CD79B: variants seen among roughly 807,000 people sequenced by gnomAD.
The protein encoded by CD79B is CD79b molecule, also known as B-cell antigen receptor complex-associated protein beta chain.
Under a neutral mutation model 30.0 loss-of-function variants are expected in CD79B, and 7 were observed. The ratio of observed to expected loss-of-function variants is 0.23; its 90% CI spans 0.13 to 0.44. The LOEUF is 0.44. CD79B is among the 20% of genes least tolerant of loss of function. The pLI, the probability that CD79B is intolerant of heterozygous loss-of-function variation, is 1.00. For missense variants in CD79B, 218 were observed against 299.1 expected, an observed-to-expected ratio of 0.73 and a Z score of 2.00; for synonymous variants, 118 against 119.2, an observed-to-expected ratio of 0.99 and a Z score of 0.07.
chr17:63,931,392 G>T lies in CD79B; in HGVS notation c.68-7C>A, dbSNP rs761969082. On this transcript the variant is annotated splice_polypyrimidine_tract_variant and splice_region_variant and intron_variant, in intron 1 of 5. Transcript: ENST00000006750. ...GCTGCTGGTACTGGCTCAGCTGCTG[G>T]GTGGGAGGAAGTGGGCGGGGCCAGT... The T allele has an allele frequency of 1.2e-5, 20 of 1,613,904 alleles. No individual in the cohort carries two copies. Among genetic ancestry groups the T allele is most frequent in the Non-Finnish European group, 1.7e-5 (20 of 1,179,994 alleles).
At chr17:63,930,406 C>T in intron 2 of CD79B, 21 bp from the exon 3 acceptor site, 2 of 1,609,974 alleles carry the variant, frequency 1.2e-6, no homozygotes, top group Non-Finnish European at 1.7e-6. Context: ...CAAGGCCAGG[C>T]TCAGCATTCC....
rs199505657 is a variant in CD79B, at chr17:63,930,034, G to T, written c.430+40C>A. On this transcript the variant is annotated intron_variant, in intron 3 of 5. Transcript: ENST00000006750. ...AAGAGGCAGGCCGGGCTAGGGTGGGGCGGACAGCTACAGGAGCGTCCCAGC... is the reference window on the plus strand; with the variant it reads ...AAGAGGCAGGCCGGGCTAGGGTGGGTCGGACAGCTACAGGAGCGTCCCAGC... 71 of 1,605,796 alleles carry T rather than the reference G, an allele frequency of 4.4e-5. No homozygotes were observed. The East Asian group carries it at 1.6e-3, about 35-fold the overall frequency.
intron 1 of CD79B, chr17:63,931,869 T>A: frequency 2.2e-6 from 1 of 455,838 alleles, no homozygotes; most frequent in Non-Finnish European, 4.1e-6. Flanking sequence ...GCCTCTCCCC[T>A]CCCGACCCCC....
Position 63,929,899 on chromosome 17 carries a change from A to C in CD79B, c.431-11T>G. 6.2e-7 allele frequency: 1 copy of C among 1,603,074 alleles called. No individual in the cohort carries two copies. The highest frequency in any genetic ancestry group is 1.1e-5 in the South Asian group (1 of 90,884). Reference sequence around the variant, plus strand: ...CCAAGGTGCTGAATCCTGCGGGGACAGGGGTGGGGTTGTGAGCCTGGGCCA... The same window carrying C: ...CCAAGGTGCTGAATCCTGCGGGGACCGGGGTGGGGTTGTGAGCCTGGGCCA... On this transcript the variant is annotated splice_polypyrimidine_tract_variant and intron_variant, in intron 3 of 5. Coordinates refer to ENST00000006750, the MANE Select transcript of CD79B (RefSeq NM_000626.4).
intron 2 of CD79B, 130 bp from the exon 3 acceptor site, chr17:63,930,515 G>A: frequency 2.4e-6 from 2 of 846,212 alleles, no homozygotes; most frequent in Non-Finnish European, 3.8e-6. Context: ...GTGTGGGACA[G>A]GCAGGAGGCT....
At chr17:63,932,089 AGT>A in intron 1 of CD79B, 104 bp downstream of exon 1, 1 of 1,000,978 alleles carries the variant, frequency 1.0e-6, no homozygotes, top group Non-Finnish European at 1.6e-6. Context: ...GGCGGTAAAG[AGT>A]GAGAGACAGA....
intron 1 of CD79B, 129 bp downstream of exon 1, chr17:63,932,066 T>G: frequency 8.1e-6 from 7 of 860,762 alleles, no homozygotes; most frequent in Non-Finnish European, 9.5e-6. Flanking sequence ...CCCAGGGCCA[T>G]GAGAGGGAGA....
intron 1 of CD79B, 175 bp downstream of exon 1, chr17:63,932,020 C>T (rs1373054348): frequency 5.7e-6 from 4 of 703,236 alleles, no homozygotes; most frequent in Non-Finnish European, 1.0e-5. Flanking sequence ...CTCCTGAGCC[C>T]ATCACCACGT....
rs761969082 is a variant in CD79B at position 63,931,392 on chromosome 17, G to A, written c.68-7C>T. The A allele has an allele frequency of 6.2e-6, 10 of 1,614,022 alleles. No homozygotes were observed. In the South Asian group the frequency reaches 1.1e-4, roughly 18 times the overall value. On this transcript the variant is annotated splice_polypyrimidine_tract_variant and splice_region_variant and intron_variant, in intron 1 of 5. Transcript: ENST00000006750. ...GCTGCTGGTACTGGCTCAGCTGCTG[G>A]GTGGGAGGAAGTGGGCGGGGCCAGT...
intron 1 of CD79B, chr17:63,931,961 C>T: frequency 1.6e-6 from 1 of 606,900 alleles, no homozygotes; most frequent in South Asian, 1.8e-5. Flanking sequence ...CTCCTCATGC[C>T]CAGCTCAGCC....
chr17:63,928,821 A>G lies in CD79B; in HGVS notation c.*405T>C. On this transcript the variant is annotated 3_prime_UTR_variant, in exon 6 of 6. Coordinates refer to ENST00000006750, the MANE Select transcript of CD79B (RefSeq NM_000626.4). ...TCCCTGGGGTGGGAGTGGTTGCGGG[A>G]GAGGAATGATGTTCCTGTGGCTCTT... 2.7e-6 allele frequency: 1 copy of G among 368,596 alleles called. No individual in the cohort carries two copies. The highest frequency in any genetic ancestry group is 5.1e-6 in the Non-Finnish European group (1 of 196,688). 22.8% of individuals were successfully genotyped at this position (368,596 alleles called of 1,614,324 possible). A position where few individuals can be genotyped will look rare whatever the true frequency, so the allele number is the denominator to read the frequency against.
Position 63,929,896 on chromosome 17 carries a change from G to A in CD79B, c.431-8C>T, listed in dbSNP as rs769417234. ...GTGCCAAGGTGCTGAATCCTGCGGG[G>A]ACAGGGGTGGGGTTGTGAGCCTGGG... On this transcript the variant is annotated splice_region_variant and splice_polypyrimidine_tract_variant and intron_variant, in intron 3 of 5. Coordinates refer to ENST00000006750, the MANE Select transcript of CD79B (RefSeq NM_000626.4). The A allele has an allele frequency of 3.1e-6, 5 of 1,604,268 alleles. No individual in the cohort carries two copies. The highest frequency in any genetic ancestry group is 1.3e-5 in the African/African-American group (1 of 74,752).
chr17:63,930,045 C>T (rs1157135273), intron 3 of CD79B, 29 bp downstream of exon 3: 1 of 1,610,776 alleles, frequency 6.2e-7, no homozygotes, highest in Admixed American at 1.7e-5. Flanking sequence ...CGGACAGCTA[C>T]AGGAGCGTCC....
rs772812494 is a variant in CD79B, at chr17:63,932,282, C to A, written c.-21G>T. The A allele has an allele frequency of 1.9e-6, 3 of 1,609,914 alleles. No individual in the cohort carries two copies. Among genetic ancestry groups the A allele is most frequent in the Admixed American group, 1.7e-5 (1 of 60,016 alleles). On this transcript the variant is annotated 5_prime_UTR_variant, in exon 1 of 6. Transcript: ENST00000006750. ...GCCATGGTCACCGCTCTGTCCCCGA[C>A]CCCAAACCCGTGACAACGTCCGAGG...
intron 1 of CD79B, chr17:63,931,932 G>C: frequency 1.8e-6 from 1 of 557,688 alleles, no homozygotes; most frequent in Non-Finnish European, 3.3e-6. Flanking sequence ...CCACGGTCCT[G>C]GTTGCTAACT....
chr17:63,929,812 G>A lies in CD79B; in HGVS notation c.507C>T (p.Ile169=). 1.2e-6 allele frequency: 2 copies of A among 1,613,040 alleles called. No individual in the cohort carries two copies. Among genetic ancestry groups the A allele is most frequent in the Non-Finnish European group, 1.7e-6 (2 of 1,179,696 alleles). ...DGIIMIQTLL[I]ILFIIVPIFL... ...AGATAGGCACGATGATGAAGAGGAT[G>A]ATCAGCAGCGTCTGGATCATGATGA... Residue 169 remains isoleucine (I), a synonymous_variant, in exon 4 of 6, where the codon ATC becomes ATT. Coordinates refer to ENST00000006750, the MANE Select transcript of CD79B (RefSeq NM_000626.4).
chr17:63,930,875 C>A, intron 2 of CD79B: 1 of 300,396 alleles, frequency 3.3e-6, no homozygotes. Context: ...TTCCCTCTAT[C>A]ATCCCCCTCT....
chr17:63,929,180 A>T lies in CD79B; in HGVS notation c.*46T>A. 7.7e-7 allele frequency: 1 copy of T among 1,297,584 alleles called. No individual in the cohort carries two copies. Among genetic ancestry groups the T allele is most frequent in the Non-Finnish European group, 1.1e-6 (1 of 891,778 alleles). The allele number at this position is 1,297,584 out of a possible 1,614,324, so 80.4% of individuals were successfully genotyped here. On this transcript the variant is annotated 3_prime_UTR_variant, in exon 6 of 6. Coordinates refer to ENST00000006750, the MANE Select transcript of CD79B (RefSeq NM_000626.4). Reference sequence around the variant, plus strand: ...TGAGCCAGGCAGCTCCGAAGCAGTCACTGAGGCCAGGGAGCCTGCACCCAG... The same window carrying T: ...TGAGCCAGGCAGCTCCGAAGCAGTCTCTGAGGCCAGGGAGCCTGCACCCAG...
chr17:63,931,411 G>A (rs370738585), intron 1 of CD79B, 26 bp from the exon 2 acceptor site: 2 of 1,612,340 alleles, frequency 1.2e-6, no homozygotes, highest in African/African-American at 2.7e-5. Flanking sequence ...AAGTGGGCGG[G>A]GCCAGTCAGG....
Sources: allele counts gnomAD v4.1 joint callset, GRCh38; gene constraint gnomAD v4.1.1; transcripts MANE v1.5; gene names NCBI Gene and HGNC (gene_info 2026-07-23, HGNC 2026-07-21).